The following CAMK1D variants were observed in gnomAD, a reference collection of about 807,000 sequenced individuals.
The protein encoded by CAMK1D is calcium/calmodulin-dependent protein kinase type 1D.
CAMK1D carries 9 observed loss-of-function variants against 47.7 expected under a neutral mutation model. The observed-to-expected ratio is 0.19, with a 90% CI of 0.11 to 0.33. The LOEUF (loss-of-function observed/expected upper bound fraction) is 0.33. CAMK1D is among the 10% of genes least tolerant of loss of function. CAMK1D has a pLI of 1.00. For missense variants in CAMK1D, 291 were observed against 488.7 expected, an observed-to-expected ratio of 0.60 and a Z score of 3.81; for synonymous variants, 184 against 184.9, an observed-to-expected ratio of 0.99 and a Z score of 0.04.
At chr10:12,684,376 G>A (rs1832570271) in intron 3 of CAMK1D, among the ~76,000 whole-genome samples, 2 of 152,086 alleles carry the variant, frequency 1.3e-5, no homozygotes, top group South Asian at 2.1e-4. Context: ...GGGGTATCTC[G>A]GAAGTAGCCA....
In CAMK1D at chr10:12,553,367, G is replaced by A. The variant is rs1836650738; in HGVS notation, c.224+11G>A. 1 of 1,596,936 alleles carries A rather than the reference G, an allele frequency of 6.3e-7. No individual in the cohort carries two copies. Among genetic ancestry groups the A allele is most frequent in the South Asian group, 1.1e-5 (1 of 90,720 alleles). ...AGCCGTCCTGAGAAAGTAAGTGCTG[G>A]AGGGCAACCCTCCTCCCTTCCCTAC... On this transcript the variant is annotated intron_variant, in intron 2 of 10. Transcript: ENST00000619168.
At chr10:12,450,306 A>G (rs1435216827) in intron 1 of CAMK1D, among the ~76,000 whole-genome samples, 1 of 152,220 alleles carries the variant, frequency 6.6e-6, no homozygotes, top group East Asian at 1.9e-4. Context: ...TACTGAGTTT[A>G]CAGCTCCACA....
intron 3 of CAMK1D, among the ~76,000 whole-genome samples, chr10:12,734,550 GTATATATATACACATATGTGTATATATA>G (rs1394669654): frequency 2.1e-5 from 3 of 143,612 alleles, no homozygotes; most frequent in Non-Finnish European, 4.5e-5. Flanking sequence ...ATGTATATAT[GTATATATATACACATATGTGTATATATA>G]TATATAGACA....
At chr10:12,611,912 T>C (rs2132413558) in intron 2 of CAMK1D, among the ~76,000 whole-genome samples, 1 of 152,282 alleles carries the variant, frequency 6.6e-6, no homozygotes, top group East Asian at 1.9e-4. Flanking sequence ...ATTCGAGTTT[T>C]CTTTTTGCCC....
At chr10:12,650,788 ACAT>A (rs1393039050) in intron 2 of CAMK1D, among the ~76,000 whole-genome samples, 3 of 152,178 alleles carry the variant, frequency 2.0e-5, no homozygotes, top group South Asian at 4.1e-4. Flanking sequence ...ATTATCAAAA[ACAT>A]CAGCTCTGCA....
intron 2 of CAMK1D, among the ~76,000 whole-genome samples, chr10:12,586,425 G>A (rs1326524131): frequency 6.8e-6 from 1 of 146,320 alleles, no homozygotes; most frequent in Non-Finnish European, 1.5e-5. Flanking sequence ...CTCCAGCCTG[G>A]GCGACAGAGC....
intron 1 of CAMK1D, among the ~76,000 whole-genome samples, chr10:12,552,982 G>C (rs781434847): frequency 6.6e-6 from 1 of 152,080 alleles, no homozygotes; most frequent in South Asian, 2.1e-4. Context: ...ACCTCAGGTG[G>C]TCTGCCCGCC....
chr10:12,430,837 GC>G (rs1041053655), intron 1 of CAMK1D, among the ~76,000 whole-genome samples: 2 of 151,980 alleles, frequency 1.3e-5, no homozygotes, highest in African/African-American at 4.8e-5. Context: ...TGCAACCTCT[GC>G]CTCCTGTGTT....
intron 2 of CAMK1D, among the ~76,000 whole-genome samples, chr10:12,579,600 A>G (rs919363095): frequency 2.0e-5 from 3 of 151,946 alleles, no homozygotes; most frequent in Non-Finnish European, 4.4e-5. Flanking sequence ...AACAAAAATA[A>G]CTTTCTCTTC....
chr10:12,354,277 T>C (rs1317282098), intron 1 of CAMK1D, among the ~76,000 whole-genome samples: 1 of 152,136 alleles, frequency 6.6e-6, no homozygotes, highest in Non-Finnish European at 1.5e-5. Context: ...AGACTGGGTT[T>C]TAGGTCTGGT....
intron 3 of CAMK1D, among the ~76,000 whole-genome samples, chr10:12,726,235 C>A (rs1216128003): frequency 1.3e-5 from 2 of 151,932 alleles, no homozygotes; most frequent in East Asian, 3.9e-4. Flanking sequence ...ACTGTCTTAA[C>A]CAACATGGTG....
intron 3 of CAMK1D, among the ~76,000 whole-genome samples, chr10:12,698,812 A>G (rs1833398463): frequency 1.3e-5 from 2 of 150,762 alleles, no homozygotes; most frequent in African/African-American, 4.9e-5. Flanking sequence ...AACTGGGACT[A>G]CAGGTACGTG....
chr10:12,398,093 A>G (rs1313532665), intron 1 of CAMK1D, among the ~76,000 whole-genome samples: 1 of 152,242 alleles, frequency 6.6e-6, no homozygotes, highest in Non-Finnish European at 1.5e-5. Flanking sequence ...TAAAACAGTT[A>G]CATCATTATT....
intron 1 of CAMK1D, among the ~76,000 whole-genome samples, chr10:12,549,740 G>A (rs755241011): frequency 3.9e-4 from 60 of 152,248 alleles, no homozygotes; most frequent in Admixed American, 6.5e-4. Flanking sequence ...TTCCCCATGG[G>A]GCGCCACATA....
At chr10:12,461,126 A>G (rs1330491332) in intron 1 of CAMK1D, among the ~76,000 whole-genome samples, 2 of 152,142 alleles carry the variant, frequency 1.3e-5, no homozygotes, top group Non-Finnish European at 2.9e-5. Context: ...TGAGGACAGG[A>G]TCGTCCTCAT....
In CAMK1D at chr10:12,825,659, G is replaced by A. The variant is rs74118635; in HGVS notation, c.1008G>A (p.Ser336=). Residue 336 remains serine (S), a synonymous_variant, in exon 10 of 11, where the codon TCG becomes TCA. Transcript: ENST00000619168. The part of the protein sequence containing the change: ...SSLDSSNASV[S]SSLSLASQKD... ...TGGACAGTTCAAATGCAAGTGTTTC[G>A]AGCAGCCTCAGTTTGGCCAGCCAAA... The A allele has an allele frequency of 1.1e-4, 183 of 1,614,214 alleles. No homozygotes were observed. In the African/African-American group the frequency reaches 1.9e-3, roughly 17 times the overall value.
chr10:12,682,948 G>A (rs1251038579), intron 3 of CAMK1D, among the ~76,000 whole-genome samples: 2 of 151,326 alleles, frequency 1.3e-5, no homozygotes, highest in African/African-American at 4.9e-5. Context: ...TTTGGAGATG[G>A]AGTGTCTCTA....
At chr10:12,561,276 G>A (rs905290812) in intron 2 of CAMK1D, among the ~76,000 whole-genome samples, 1 of 152,000 alleles carries the variant, frequency 6.6e-6, no homozygotes, top group African/African-American at 2.4e-5. Context: ...TGGTGGTGGC[G>A]GTGGTGTGCG....
At chr10:12,678,192 G>T (rs1840876653) in intron 3 of CAMK1D, among the ~76,000 whole-genome samples, 1 of 151,878 alleles carries the variant, frequency 6.6e-6, no homozygotes, top group African/African-American at 2.4e-5. Context: ...ATACATTTTG[G>T]TATGTTGTGT....
Sources: allele counts gnomAD v4.1 joint callset (sites outside exome capture counted in the v4.1 genomes callset), GRCh38; gene constraint gnomAD v4.1.1; transcripts MANE v1.5; gene names NCBI Gene and HGNC (gene_info 2026-07-23, HGNC 2026-07-21).